GABRG3: variants seen among roughly 807,000 people sequenced by gnomAD.
GABRG3 encodes the protein gamma-aminobutyric acid receptor subunit gamma-3.
GABRG3 carries 25 observed loss-of-function variants against 48.8 expected under a neutral mutation model. The ratio of observed to expected loss-of-function variants is 0.51; its 90% confidence interval spans 0.37 to 0.72. The LOEUF is 0.72. Ranked by LOEUF, GABRG3 falls within the 30% of genes least tolerant of loss-of-function variation. The pLI is 0.00. For missense variants in GABRG3, 394 were observed against 577.9 expected, an observed-to-expected ratio of 0.68 and a Z score of 3.26; for synonymous variants, 227 against 217.6, an observed-to-expected ratio of 1.04 and a Z score of -0.38.
At chr15:27,306,631 CATATATTTATATATAA>C (rs1892488054) in intron 3 of GABRG3, among the ~76,000 whole-genome samples, 1 of 112,920 alleles carries the variant, frequency 8.9e-6, no homozygotes, top group Non-Finnish European at 1.8e-5. Context: ...ATAATATAAA[CATATATTTATATATAA>C]ACATATATAT....
chr15:27,240,853 G>T (rs1890109817), intron 3 of GABRG3, among the ~76,000 whole-genome samples: 2 of 152,184 alleles, frequency 1.3e-5, no homozygotes, highest in Admixed American at 1.3e-4. Context: ...ATACCATTGT[G>T]TGTCCCCAGG....
intron 5 of GABRG3, among the ~76,000 whole-genome samples, chr15:27,442,336 C>G (rs1888814650): frequency 6.6e-6 from 1 of 152,236 alleles, no homozygotes; most frequent in East Asian, 1.9e-4. Flanking sequence ...CACTCCATAC[C>G]CACAGCCTCA....
chr15:27,020,693 C>T (rs569419704), intron 2 of GABRG3, among the ~76,000 whole-genome samples: 11 of 152,054 alleles, frequency 7.2e-5, no homozygotes, highest in South Asian at 6.2e-4. Flanking sequence ...CTGGGATTAC[C>T]GGCTTGAGCC....
chr15:27,247,015 G>T (rs11855261), intron 3 of GABRG3, among the ~76,000 whole-genome samples: 34,257 of 152,084 alleles, frequency 0.23, 5,432 homozygotes, highest in East Asian at 0.51. Flanking sequence ...CCAGGCTGAA[G>T]TGCAGTGGCA....
chr15:27,368,008 T>C (rs1454538337), intron 5 of GABRG3, among the ~76,000 whole-genome samples: 1 of 152,162 alleles, frequency 6.6e-6, no homozygotes, highest in Non-Finnish European at 1.5e-5. Context: ...CTTCATCTCA[T>C]TGGGGTACTT....
intron 3 of GABRG3, among the ~76,000 whole-genome samples, chr15:27,225,679 T>C (rs1326848912): frequency 6.6e-6 from 1 of 152,018 alleles, no homozygotes; most frequent in Non-Finnish European, 1.5e-5. Flanking sequence ...GGCCCAGGAA[T>C]GGTGTGAGGG....
At chr15:27,062,800 A>G (rs1269471188) in intron 3 of GABRG3, among the ~76,000 whole-genome samples, 2 of 152,218 alleles carry the variant, frequency 1.3e-5, no homozygotes, top group Non-Finnish European at 2.9e-5. Context: ...TTAATGCTCC[A>G]TTAATTTTCA....
chr15:27,224,773 A>C (rs75035280), intron 3 of GABRG3, among the ~76,000 whole-genome samples: 1,701 of 152,356 alleles, frequency 0.011, 18 homozygotes, highest in South Asian at 0.024. Context: ...CATGCTGTGC[A>C]TATAGGATAA....
At chr15:27,416,099 T>C (rs537398447) in intron 5 of GABRG3, among the ~76,000 whole-genome samples, 1 of 152,322 alleles carries the variant, frequency 6.6e-6, no homozygotes. Flanking sequence ...AACTCCTACA[T>C]TGGTTGAGAC....
chr15:26,996,557 C>T (rs1457907954), intron 2 of GABRG3, among the ~76,000 whole-genome samples: 1 of 151,954 alleles, frequency 6.6e-6, no homozygotes. Flanking sequence ...TTGTGTTTTT[C>T]TTCCCTTGGA....
intron 3 of GABRG3, among the ~76,000 whole-genome samples, chr15:27,098,511 CT>C (rs1244786618): frequency 6.6e-6 from 1 of 152,122 alleles, no homozygotes; most frequent in Admixed American, 6.5e-5. Context: ...ATATGATATC[CT>C]TTTTTTAAAG....
intron 5 of GABRG3, among the ~76,000 whole-genome samples, chr15:27,338,339 G>A (rs923899969): frequency 5.9e-5 from 9 of 152,166 alleles, no homozygotes; most frequent in Admixed American, 2.6e-4. Flanking sequence ...TCTCCCTGCA[G>A]TGATGCCCCC....
chr15:27,071,457 G>T (rs1896826064), intron 3 of GABRG3, among the ~76,000 whole-genome samples: 1 of 152,208 alleles, frequency 6.6e-6, no homozygotes, highest in Non-Finnish European at 1.5e-5. Context: ...CAACGACACA[G>T]CAAACCTGAG....
intron 5 of GABRG3, among the ~76,000 whole-genome samples, chr15:27,479,099 G>A (rs1388528829): frequency 6.6e-6 from 1 of 151,212 alleles, no homozygotes; most frequent in Non-Finnish European, 1.5e-5. Context: ...AGATTAGGGT[G>A]ATGGTTCCAC....
At chr15:27,171,221 C>T (rs208147) in intron 3 of GABRG3, among the ~76,000 whole-genome samples, 23,354 of 152,130 alleles carry the variant, frequency 0.15, 2,019 homozygotes, top group Admixed American at 0.25. Flanking sequence ...AAACATCAGG[C>T]TTGTAGAATC....
intron 3 of GABRG3, among the ~76,000 whole-genome samples, chr15:27,316,966 T>C (rs886523391): frequency 6.6e-6 from 1 of 152,232 alleles, no homozygotes; most frequent in East Asian, 1.9e-4. Flanking sequence ...TACTGTCTAT[T>C]GTTTATACAG....
At position 27,537,097 on chromosome 15, in the gene GABRG3, C is replaced by T. The variant is rs944159272; in HGVS notation, c.*4216C>T. ...TTCCTGAGCGATTTTAAACTCTACC[C>T]GTAAGAAATTTCATCTGCAATTTCT... On this transcript the variant is annotated 3_prime_UTR_variant, in exon 10 of 10. Transcript: ENST00000615808. 5 of 147,872 alleles carry T rather than the reference C, an allele frequency of 3.4e-5. No homozygotes were observed. The highest frequency in any genetic ancestry group is 2.7e-4 in the Admixed American group (4 of 14,788). The allele number at this position is 147,872 out of a possible 1,614,324, so 9.2% of individuals were successfully genotyped here.
At chr15:27,333,694 G>A (rs1893875267) in intron 5 of GABRG3, among the ~76,000 whole-genome samples, 1 of 152,130 alleles carries the variant, frequency 6.6e-6, no homozygotes, top group East Asian at 1.9e-4. Context: ...TGCCTGCCAC[G>A]AGTACTAGTC....
At chr15:27,062,736 ATG>A (rs2140724882) in intron 3 of GABRG3, among the ~76,000 whole-genome samples, 1 of 152,316 alleles carries the variant, frequency 6.6e-6, no homozygotes, top group African/African-American at 2.4e-5. Context: ...CAGATGTTTT[ATG>A]TTCATGTGCA....
Sources: gnomAD v4.1 joint callset for allele counts (sites outside exome capture counted in the v4.1 genomes callset) on GRCh38, gnomAD v4.1.1 for gene constraint, MANE v1.5 for transcripts, NCBI Gene and HGNC (gene_info 2026-07-23, HGNC 2026-07-21) for gene names.